Variants in CEBPZ observed in about 807,000 individuals in gnomAD.
CEBPZ encodes CCAAT/enhancer-binding protein zeta.
Under a neutral mutation model 104.5 loss-of-function variants are expected in CEBPZ, and 78 were observed. The observed-to-expected ratio is 0.75, with a 90% CI of 0.62 to 0.90. CEBPZ has a LOEUF of 0.90. Ranked by LOEUF, CEBPZ falls within the 40% of genes least tolerant of loss-of-function variation. CEBPZ has a pLI of 0.00. For synonymous variants in CEBPZ, 470 were observed against 427.0 expected (o/e 1.10, Z -1.24); for missense variants, 1,439 against 1,233.5 (o/e 1.17, Z -2.50).
chr2:37,225,145 T>A (rs1664852107), intron 2 of CEBPZ, among the ~76,000 whole-genome samples: 1 of 152,188 alleles, frequency 6.6e-6, no homozygotes, highest in African/African-American at 2.4e-5. Context: ...TTAACAGTGT[T>A]AAGTTATCTA....
At position 37,207,318 on chromosome 2, in the gene CEBPZ, C is replaced by T. The variant is rs112331584; in HGVS notation, c.2884+3681G>A. 7.1e-3 allele frequency among the ~76,000 whole-genome samples: 1,086 copies of T among 152,246 alleles called. 13 individuals are homozygous for T. The highest frequency in any genetic ancestry group is 0.021 in the African/African-American group (888 of 41,542). On this transcript the variant is annotated intron_variant, in intron 13 of 15. Transcript: ENST00000234170. ...AACAAATGGACTTAACAGATACCTA[C>T]GGAACATTCTACCCAAAAACTGCAG...
rs374750077 is a variant in CEBPZ, at chr2:37,228,766, T to A, written c.427A>T (p.Asn143Tyr). ...RTSVNKVKNK[N>Y]RPEPHSDENG... ...TCATCAGAATGTGGTTCTGGCCTAT[T>A]CTTATTTTTCACCTTATTAACTGAT... Residue 143 changes from asparagine (N) to tyrosine (Y), a missense_variant, in exon 2 of 16, where the codon AAT becomes TAT. Asn to Tyr is a moderately radical substitution (Grantham distance 143). Transcript: ENST00000234170. 1 of 1,613,980 alleles carries A rather than the reference T, an allele frequency of 6.2e-7. No homozygotes were observed. Among genetic ancestry groups the A allele is most frequent in the African/African-American group, 1.3e-5 (1 of 74,938 alleles).
At chr2:37,212,460 A>G in intron 10 of CEBPZ, 68 bp from the exon 11 acceptor site, 1 of 1,296,540 alleles carries the variant, frequency 7.7e-7, no homozygotes, top group Non-Finnish European at 1.1e-6. Flanking sequence ...CTTGTATCTG[A>G]ATCAATTATT....
chr2:37,205,397 TCCTGGCTCAA>T (rs1677501798), intron 13 of CEBPZ, among the ~76,000 whole-genome samples: 1 of 152,170 alleles, frequency 6.6e-6, no homozygotes, highest in South Asian at 2.1e-4. Context: ...TCCTGGCTCA[TCCTGGCTCAA>T]AAGCTCCCCT....
chr2:37,231,134 C>A, intron 1 of CEBPZ: 1 of 589,892 alleles, frequency 1.7e-6, no homozygotes, highest in African/African-American at 1.8e-5. Context: ...AGCCACTCTC[C>A]GACCTGATGG....
chr2:37,226,619 G>A (rs1200149573), intron 2 of CEBPZ, among the ~76,000 whole-genome samples: 2 of 152,060 alleles, frequency 1.3e-5, no homozygotes, highest in Non-Finnish European at 2.9e-5. Flanking sequence ...TTTTTAGTGG[G>A]GATCAAGTAA....
rs767461352 is a variant in CEBPZ, at chr2:37,210,541, T to C, written c.2884+458A>G. 302 of 152,728 alleles carry C rather than the reference T, an allele frequency of 2.0e-3. 1 individual carries two copies. Among genetic ancestry groups the C allele is most frequent in the Non-Finnish European group, 3.4e-3 (233 of 68,450 alleles). The allele number at this position is 152,728 out of a possible 1,614,324, so 9.5% of individuals were successfully genotyped here. ...CAGGAATGGAAAACCAAACATTCTATGTTCTCAGTTATAAATGGGAGCTAA... is the reference window on the plus strand; with the variant it reads ...CAGGAATGGAAAACCAAACATTCTACGTTCTCAGTTATAAATGGGAGCTAA... On this transcript the variant is annotated intron_variant, in intron 13 of 15. Transcript: ENST00000234170.
At chr2:37,223,991 A>G (rs981399664) in intron 2 of CEBPZ, among the ~76,000 whole-genome samples, 12 of 152,184 alleles carry the variant, frequency 7.9e-5, no homozygotes, top group Non-Finnish European at 1.8e-4. Flanking sequence ...CTGCATGTCC[A>G]CAGTATCCAA....
In CEBPZ at chr2:37,229,018, C is replaced by A; in HGVS notation, c.175G>T (p.Ala59Ser). 6.4e-7 allele frequency: 1 copy of A among 1,560,200 alleles called. No homozygotes were observed. Among genetic ancestry groups the A allele is most frequent in the Non-Finnish European group, 8.6e-7 (1 of 1,158,626 alleles). Residue 59 changes from alanine (A) to serine (S), a missense_variant, in exon 2 of 16, where the codon GCT becomes TCT. Coordinates refer to ENST00000234170, the MANE Select transcript of CEBPZ (RefSeq NM_005760.3). ...GGTKQDYLML[A>S]TLDENEEVID... is the part of the protein sequence containing the mutation. ...ACTTCCTCATTCTCATCCAAAGTAG[C>A]CAGCATAAGGTAATCTTGCTGCATT...
At chr2:37,218,706 C>A (rs1664696141) in intron 5 of CEBPZ, among the ~76,000 whole-genome samples, 1 of 152,208 alleles carries the variant, frequency 6.6e-6, no homozygotes, top group East Asian at 1.9e-4. Context: ...GAGTTCGAGA[C>A]CAGCCTGGAC....
At chr2:37,207,219 T>G (rs1553349252) in intron 13 of CEBPZ, among the ~76,000 whole-genome samples, 1 of 152,108 alleles carries the variant, frequency 6.6e-6, no homozygotes, top group Non-Finnish European at 1.5e-5. Flanking sequence ...ACTTCAATAC[T>G]CCACTGACAG....
At chr2:37,213,000 T>C (rs536893644) in intron 10 of CEBPZ, among the ~76,000 whole-genome samples, 155 of 152,060 alleles carry the variant, frequency 1.0e-3, no homozygotes, top group Non-Finnish European at 1.9e-3. Context: ...TGAGTTGGGA[T>C]TGTGCCACTG....
chr2:37,202,239 GTT>G (rs763186990), intron 15 of CEBPZ: 108 of 142,388 alleles, frequency 7.6e-4, no homozygotes, highest in Middle Eastern at 5.7e-3. Flanking sequence ...AGTCTGCAAG[GTT>G]TTTTTTTTTT....
chr2:37,215,195 CGT>C (rs3841525), intron 8 of CEBPZ: 77,451 of 323,622 alleles, frequency 0.24, 10,956 homozygotes, highest in East Asian at 0.54. Context: ...CTGTCAGTGC[CGT>C]TACAGTGAAA....
chr2:37,226,773 A>G (rs2148362364), intron 2 of CEBPZ, among the ~76,000 whole-genome samples: 1 of 152,322 alleles, frequency 6.6e-6, no homozygotes, highest in African/African-American at 2.4e-5. Flanking sequence ...AAGGAAATAT[A>G]TTAATTTCTT....
chr2:37,211,300 C>T (rs1677713904), intron 12 of CEBPZ: 2 of 376,318 alleles, frequency 5.3e-6, no homozygotes, highest in Non-Finnish European at 9.4e-6. Flanking sequence ...ACAAAATTTT[C>T]TAAATAGCTT....
chr2:37,210,920 G>T, intron 13 of CEBPZ, 79 bp downstream of exon 13: 1 of 942,328 alleles, frequency 1.1e-6, no homozygotes, highest in Non-Finnish European at 1.6e-6. Context: ...TCAAATTTAG[G>T]AGAGTTCATT....
chr2:37,228,324 T>A lies in CEBPZ; in HGVS notation c.869A>T (p.Lys290Ile). 1 of 1,614,168 alleles carries A rather than the reference T, an allele frequency of 6.2e-7. No homozygotes were observed. Among genetic ancestry groups the A allele is most frequent in the Non-Finnish European group, 8.5e-7 (1 of 1,180,016 alleles). Residue 290 changes from lysine (K) to isoleucine (I), a missense_variant, in exon 2 of 16, where the codon AAA becomes ATA. By Grantham distance (102) the Lys-to-Ile change is moderately radical (BLOSUM62 -3). Coordinates refer to ENST00000234170, the MANE Select transcript of CEBPZ (RefSeq NM_005760.3). ...QQCLMALDTF[K>I]ELLITDLLPD... ...CAAAAGGTCTGTGATAAGCAACTCT[T>A]TGAAAGTATCCAAGGCCATAAGGCA...
At chr2:37,206,224 G>T (rs1677535088) in intron 13 of CEBPZ, among the ~76,000 whole-genome samples, 1 of 152,214 alleles carries the variant, frequency 6.6e-6, no homozygotes, top group Non-Finnish European at 1.5e-5. Context: ...ACAGCGTGTG[G>T]CAACGTGTTT....
Sources: allele counts gnomAD v4.1 joint callset (sites outside exome capture counted in the v4.1 genomes callset), GRCh38; gene constraint gnomAD v4.1.1; transcripts MANE v1.5; gene names NCBI Gene and HGNC (gene_info 2026-07-23, HGNC 2026-07-21).